Variants in MYO1D observed in about 807,000 individuals in gnomAD.
MYO1D encodes unconventional myosin-Id.
MYO1D carries 83 observed loss-of-function variants against 122.0 expected under a neutral mutation model. The ratio of observed to expected loss-of-function variants is 0.68; its 90% CI spans 0.57 to 0.82. The LOEUF (loss-of-function observed/expected upper bound fraction) is 0.82. Ranked by LOEUF, MYO1D falls within the 40% of genes least tolerant of loss-of-function variation. The pLI is 0.00. For synonymous variants in MYO1D, 464 were observed against 446.9 expected (o/e 1.04, Z -0.48); for missense variants, 1,157 against 1,269.5 (o/e 0.91, Z 1.35).
At chr17:32,868,879 A>G (rs1382960341) in intron 1 of MYO1D, among the ~76,000 whole-genome samples, 1 of 152,084 alleles carries the variant, frequency 6.6e-6, no homozygotes, top group Admixed American at 6.5e-5. Flanking sequence ...TTTCCCACAA[A>G]TGCTCAAAAC....
intron 1 of MYO1D, among the ~76,000 whole-genome samples, chr17:32,845,693 G>A (rs2090930883): frequency 6.6e-6 from 1 of 152,168 alleles, no homozygotes; most frequent in African/African-American, 2.4e-5. Flanking sequence ...AAATAAAAAT[G>A]CAGTTCCTCA....
intron 1 of MYO1D, among the ~76,000 whole-genome samples, chr17:32,852,896 C>T (rs2091001184): frequency 6.6e-6 from 1 of 152,174 alleles, no homozygotes; most frequent in African/African-American, 2.4e-5. Flanking sequence ...ATCTCATATA[C>T]TTCAAAAGCA....
chr17:32,790,181 C>T (rs1023839499), intron 1 of MYO1D, among the ~76,000 whole-genome samples: 81 of 152,162 alleles, frequency 5.3e-4, no homozygotes, highest in Non-Finnish European at 4.4e-5. Context: ...ACTCTCCATC[C>T]GTTCCCCATA....
intron 15 of MYO1D, among the ~76,000 whole-genome samples, chr17:32,712,611 T>C (rs2089392706): frequency 6.6e-6 from 1 of 152,108 alleles, no homozygotes; most frequent in African/African-American, 2.4e-5. Flanking sequence ...AAAAACAAAA[T>C]GGATACTACT....
chr17:32,608,770 C>T (rs997063381), intron 20 of MYO1D, among the ~76,000 whole-genome samples: 1 of 152,166 alleles, frequency 6.6e-6, no homozygotes, highest in Non-Finnish European at 1.5e-5. Context: ...AGCATGTGCA[C>T]GGATAAACAA....
At chr17:32,776,306 T>C (rs941649536) in intron 3 of MYO1D, among the ~76,000 whole-genome samples, 1 of 152,190 alleles carries the variant, frequency 6.6e-6, no homozygotes, top group African/African-American at 2.4e-5. Context: ...TATTAATGAA[T>C]ATAAAATCAA....
intron 14 of MYO1D, among the ~76,000 whole-genome samples, chr17:32,730,946 G>A (rs550795056): frequency 3.6e-4 from 49 of 134,500 alleles, no homozygotes; most frequent in African/African-American, 1.3e-3. Flanking sequence ...TTGCTCTGTC[G>A]CCCAGGCGGG....
chr17:32,503,858 C>A (rs1339343607), intron 21 of MYO1D, among the ~76,000 whole-genome samples: 1 of 152,208 alleles, frequency 6.6e-6, no homozygotes, highest in Non-Finnish European at 1.5e-5. Context: ...AATCCCCCTG[C>A]TGATGTCAAA....
rs1485585968 is a variant in MYO1D, at chr17:32,877,065, G to T, written c.-193C>A. The T allele has an allele frequency of 2.6e-5, 6 of 226,872 alleles. No homozygotes were observed. The highest frequency in any genetic ancestry group is 1.7e-4 in the Admixed American group (3 of 17,330). 14.1% of individuals were successfully genotyped at this position (226,872 alleles called of 1,614,324 possible). On this transcript the variant is annotated 5_prime_UTR_variant, in exon 1 of 22. Transcript: ENST00000318217. ...CCTCGGCGCCTTCTCGGCCGGCGCG[G>T]CTCCGAACGGGACGCACCCGACAGT...
At chr17:32,850,544 G>GT (rs770882778) in intron 1 of MYO1D, among the ~76,000 whole-genome samples, 4 of 152,194 alleles carry the variant, frequency 2.6e-5, no homozygotes, top group Non-Finnish European at 5.9e-5. Flanking sequence ...AGTGACTTTT[G>GT]TAAGTGCTCT....
Position 32,755,355 on chromosome 17 carries a change from T to C in MYO1D, c.1467+137A>G, listed in dbSNP as rs774247795. On this transcript the variant is annotated intron_variant, in intron 11 of 21. Coordinates refer to ENST00000318217, the MANE Select transcript of MYO1D (RefSeq NM_015194.3). ...AGAATTTATCCACAGCAACAAATCA[T>C]TTAATGAATGTTTATGACTTTTCTT... The C allele has an allele frequency of 1.0e-4, 94 of 910,924 alleles. 1 individual carries two copies. Among genetic ancestry groups the C allele is most frequent in the Non-Finnish European group, 4.4e-5 (27 of 616,008 alleles). 56.4% of individuals were successfully genotyped at this position (910,924 alleles called of 1,614,324 possible).
intron 1 of MYO1D, among the ~76,000 whole-genome samples, chr17:32,834,613 C>G (rs1261944392): frequency 6.6e-6 from 1 of 152,254 alleles, no homozygotes; most frequent in Non-Finnish European, 1.5e-5. Context: ...CACTTGAGAA[C>G]TGCAGCATTC....
intron 21 of MYO1D, among the ~76,000 whole-genome samples, chr17:32,543,750 A>G (rs1468306341): frequency 6.6e-6 from 1 of 152,058 alleles, no homozygotes; most frequent in Non-Finnish European, 1.5e-5. Context: ...GTGGCATGCT[A>G]AGTCCTGACT....
At chr17:32,711,691 A>T (rs2089378865) in intron 16 of MYO1D, among the ~76,000 whole-genome samples, 1 of 152,106 alleles carries the variant, frequency 6.6e-6, no homozygotes, top group African/African-American at 2.4e-5. Context: ...TGAAGGAAAA[A>T]ACACAGTTAA....
At chr17:32,531,094 A>G (rs1910496229) in intron 21 of MYO1D, 1 of 152,348 alleles carries the variant, frequency 6.6e-6, no homozygotes, top group African/African-American at 2.4e-5. Flanking sequence ...CATGTGATCT[A>G]CCAATCCCAG....
At chr17:32,728,394 G>C (rs2089600195) in intron 14 of MYO1D, among the ~76,000 whole-genome samples, 1 of 152,058 alleles carries the variant, frequency 6.6e-6, no homozygotes, top group Non-Finnish European at 1.5e-5. Context: ...TTTTAGTAGA[G>C]ACAGGGTTTC....
intron 19 of MYO1D, among the ~76,000 whole-genome samples, chr17:32,640,200 A>G (rs2088175924): frequency 6.6e-6 from 1 of 152,192 alleles, no homozygotes; most frequent in Non-Finnish European, 1.5e-5. Flanking sequence ...ATGGTGGAAT[A>G]ATTATTAGCC....
At chr17:32,631,800 T>C (rs760200750) in intron 20 of MYO1D, among the ~76,000 whole-genome samples, 3 of 152,206 alleles carry the variant, frequency 2.0e-5, no homozygotes, top group Admixed American at 6.5e-5. Context: ...CACACGTGTA[T>C]TTCAAGGGTG....
At chr17:32,581,009 GTT>G (rs1215587233) in intron 21 of MYO1D, among the ~76,000 whole-genome samples, 1 of 152,178 alleles carries the variant, frequency 6.6e-6, no homozygotes, top group Non-Finnish European at 1.5e-5. Flanking sequence ...TTCTCGAAGA[GTT>G]TGTGTAGAAC....
Sources: allele counts gnomAD v4.1 joint callset (sites outside exome capture counted in the v4.1 genomes callset), GRCh38; gene constraint gnomAD v4.1.1; transcripts MANE v1.5; gene names NCBI Gene and HGNC (gene_info 2026-07-23, HGNC 2026-07-21).